RAB40B: variants seen among roughly 807,000 people sequenced by gnomAD.
RAB40B encodes RAB40B, member RAS oncogene family, also known as ras-related protein Rab-40B.
A neutral mutation model predicts 24.0 loss-of-function variants in RAB40B; 21 were observed. That is an observed-to-expected ratio of 0.88 (90% CI 0.62 to 1.26). RAB40B has a LOEUF of 1.26. Ranked by LOEUF, RAB40B falls within the 50% of genes most tolerant of loss-of-function variation. The pLI, the probability that RAB40B is intolerant of heterozygous loss-of-function variation, is 0.00. For missense variants in RAB40B, 348 were observed against 390.5 expected (o/e 0.89, Z 0.92); for synonymous variants, 167 against 169.8 (o/e 0.98, Z 0.13).
At chr17:82,685,485 T>A (rs2046490284) in intron 1 of RAB40B, among the ~76,000 whole-genome samples, 1 of 151,718 alleles carries the variant, frequency 6.6e-6, no homozygotes, top group Non-Finnish European at 1.5e-5. Flanking sequence ...GCCCGTAGGG[T>A]CCCAAGGAGA....
intron 1 of RAB40B, among the ~76,000 whole-genome samples, chr17:82,690,663 A>T (rs2046548284): frequency 7.2e-6 from 1 of 138,684 alleles, no homozygotes; most frequent in Non-Finnish European, 1.5e-5. Context: ...GGGAGCAGAG[A>T]GTGTGCACGT....
At chr17:82,670,579 G>A (rs2046320637) in intron 1 of RAB40B, among the ~76,000 whole-genome samples, 1 of 148,704 alleles carries the variant, frequency 6.7e-6, no homozygotes, top group African/African-American at 2.5e-5. Context: ...CTGTCGCCCA[G>A]GCTGGAGTGC....
At chr17:82,659,194 T>G in intron 4 of RAB40B, 1 of 290,344 alleles carries the variant, frequency 3.4e-6, no homozygotes, top group Non-Finnish European at 6.6e-6. Context: ...ACAGTGGGCT[T>G]AGTGTCGACC....
chr17:82,698,470 A>G lies in RAB40B; in HGVS notation c.127T>C (p.Tyr43His). The change falls in exon 1 of 6, where the codon TAC (tyrosine) becomes CAC (histidine). Residue 43 changes from tyrosine (Y) to histidine (H), a missense_variant. Physicochemically the swap from Tyr to His is moderately conservative, Grantham distance 83. This residue lies in a region of RAB40B where 101 missense variants were observed against 85.5 expected (regional missense o/e 1.18). Transcript: ENST00000571995. The part of the protein sequence containing the change: ...SLQDGAAESP[Y>H]GHPAGIDYKT... The stretch of plus-strand genomic sequence containing the variant: ...CCGCGCTCACCCGCCGGGTGGCCGT[A>G]CGGGGACTCGGCCGCGCCATCCTGC... 6.8e-7 allele frequency: 1 copy of G among 1,472,270 alleles called. No homozygotes were observed. Among genetic ancestry groups the G allele is most frequent in the South Asian group, 1.3e-5 (1 of 79,556 alleles). The allele number at this position is 1,472,270 out of a possible 1,614,324, so 91.2% of individuals were successfully genotyped here. A position where few individuals can be genotyped will look rare whatever the true frequency, so the allele number is the denominator to read the frequency against.
At chr17:82,683,697 T>C (rs1057483630) in intron 1 of RAB40B, among the ~76,000 whole-genome samples, 6 of 149,516 alleles carry the variant, frequency 4.0e-5, no homozygotes, top group African/African-American at 1.5e-4. Context: ...GTCCAGCTAC[T>C]GGGGAAACAG....
At chr17:82,672,590 G>A (rs867912844) in intron 1 of RAB40B, among the ~76,000 whole-genome samples, 18 of 152,350 alleles carry the variant, frequency 1.2e-4, no homozygotes, top group Middle Eastern at 3.4e-3. Flanking sequence ...AGGGTCAGCA[G>A]GGTGGGGCCC....
intron 1 of RAB40B, among the ~76,000 whole-genome samples, chr17:82,676,530 C>T (rs1384657860): frequency 6.6e-6 from 1 of 151,838 alleles, no homozygotes; most frequent in Non-Finnish European, 1.5e-5. Flanking sequence ...CCCAGCCACC[C>T]CTACAAAGCA....
intron 1 of RAB40B, among the ~76,000 whole-genome samples, chr17:82,674,457 C>T (rs1170758472): frequency 1.4e-5 from 2 of 141,030 alleles, no homozygotes; most frequent in East Asian, 4.2e-4. Context: ...GGGTGAAACC[C>T]CGTCTCTAGT....
At chr17:82,659,206 C>T (rs906622496) in intron 4 of RAB40B, 12 of 303,672 alleles carry the variant, frequency 4.0e-5, no homozygotes, top group Admixed American at 3.8e-4. Context: ...GTGTCGACCA[C>T]GCCATGTCAC....
intron 1 of RAB40B, among the ~76,000 whole-genome samples, chr17:82,693,545 G>A (rs1281234353): frequency 3.9e-5 from 6 of 152,310 alleles, no homozygotes; most frequent in East Asian, 3.9e-4. Flanking sequence ...GATACCCAGC[G>A]ATTCACACGC....
In RAB40B at chr17:82,662,160, C is replaced by T. The variant is rs1039468728; in HGVS notation, c.204-1113G>A. ...CTGTGGTCGGTGACCACCCTCAGCA[C>T]GAGAGAGAAGGGCCTGGGGCTCCAG... is the stretch of plus-strand genomic sequence containing the variant. On this transcript the variant is annotated intron_variant, in intron 2 of 5. Coordinates refer to ENST00000571995, the MANE Select transcript of RAB40B (RefSeq NM_006822.3). The T allele has an allele frequency of 4.0e-5, 39 of 985,468 alleles. 1 individual carries two copies. In the Middle Eastern group the frequency reaches 3.1e-3, roughly 79 times the overall value. 61.0% of individuals were successfully genotyped at this position (985,468 alleles called of 1,614,324 possible). A position where few individuals can be genotyped will look rare whatever the true frequency, so the allele number is the denominator to read the frequency against.
At chr17:82,680,769 C>T (rs1049032929) in intron 1 of RAB40B, among the ~76,000 whole-genome samples, 10 of 152,018 alleles carry the variant, frequency 6.6e-5, no homozygotes, top group South Asian at 6.2e-4. Context: ...CGGTGGCTCA[C>T]GCCTTTAATC....
chr17:82,659,653 A>G lies in RAB40B; in HGVS notation c.269T>C (p.Val90Ala), dbSNP rs771869315. Residue 90 changes from valine to alanine, a missense_variant, in exon 4 of 6, where the codon GTG (valine) becomes GCG (alanine). Transcript: ENST00000571995. ...GTTCGCAATGTCATAGACCAGGATC[A>G]CACCCTGGGGGAGAGGTCACAGGCT... ...FRSYSRGAQG[V>A]ILVYDIANRW... The G allele has an allele frequency of 1.9e-6, 3 of 1,614,052 alleles. No individual in the cohort carries two copies. Among genetic ancestry groups the G allele is most frequent in the Non-Finnish European group, 2.5e-6 (3 of 1,179,912 alleles).
chr17:82,660,365 G>T (rs957719895), intron 3 of RAB40B, among the ~76,000 whole-genome samples: 1 of 128,816 alleles, frequency 7.8e-6, no homozygotes, highest in Non-Finnish European at 1.7e-5. Context: ...ACACACACAC[G>T]CACAGGCACT....
chr17:82,687,086 C>T (rs1435728966), intron 1 of RAB40B, among the ~76,000 whole-genome samples: 1 of 152,124 alleles, frequency 6.6e-6, no homozygotes, highest in African/African-American at 2.4e-5. Flanking sequence ...CCCCCCACAC[C>T]CCCGATGATG....
At chr17:82,660,327 C>G (rs574614321) in intron 3 of RAB40B, among the ~76,000 whole-genome samples, 1 of 151,938 alleles carries the variant, frequency 6.6e-6, no homozygotes. Context: ...GACTCATACA[C>G]AGGGCACGTA....
At chr17:82,660,170 G>C (rs2046146591) in intron 3 of RAB40B, among the ~76,000 whole-genome samples, 1 of 151,400 alleles carries the variant, frequency 6.6e-6, no homozygotes. Context: ...GTGCATACCT[G>C]CACACATGTT....
At chr17:82,687,737 C>A (rs1479848437) in intron 1 of RAB40B, among the ~76,000 whole-genome samples, 5 of 152,212 alleles carry the variant, frequency 3.3e-5, no homozygotes, top group African/African-American at 1.2e-4. Flanking sequence ...AACCAGCCCT[C>A]CTGACTGGCT....
At chr17:82,670,820 A>G (rs2046322910) in intron 1 of RAB40B, among the ~76,000 whole-genome samples, 1 of 152,044 alleles carries the variant, frequency 6.6e-6, no homozygotes, top group South Asian at 2.1e-4. Context: ...GGTGTGAGGT[A>G]CCGCGCCCGG....
Sources: allele counts gnomAD v4.1 joint callset (sites outside exome capture counted in the v4.1 genomes callset), GRCh38; gene constraint gnomAD v4.1.1; regional missense constraint gnomAD v4.1.1; transcripts MANE v1.5; gene names NCBI Gene and HGNC (gene_info 2026-07-23, HGNC 2026-07-21).